EPDR1: variants seen among roughly 807,000 people sequenced by gnomAD.
EPDR1 encodes the protein mammalian ependymin-related protein 1.
Under a neutral mutation model 23.7 loss-of-function variants are expected in EPDR1, and 27 were observed. The ratio of observed to expected loss-of-function variants is 1.14; its 90% CI spans 0.84 to 1.57. The LOEUF (loss-of-function observed/expected upper bound fraction) is 1.57. EPDR1 is among the 40% of genes most tolerant of loss of function. The pLI, the probability that EPDR1 is intolerant of heterozygous loss-of-function variation, is 0.00. For missense variants in EPDR1, 349 were observed against 290.4 expected, an observed-to-expected ratio of 1.20 and a Z score of -1.47; for synonymous variants, 137 against 118.2, an observed-to-expected ratio of 1.16 and a Z score of -1.03.
intron 1 of EPDR1, among the ~76,000 whole-genome samples, chr7:37,946,342 C>T (rs575221630): frequency 6.6e-6 from 1 of 152,280 alleles, no homozygotes; most frequent in Admixed American, 6.5e-5. Flanking sequence ...ATTTATACTC[C>T]CATCAACAGT....
At chr7:37,931,988 G>T (rs1173700207) in intron 1 of EPDR1, among the ~76,000 whole-genome samples, 1 of 152,130 alleles carries the variant, frequency 6.6e-6, no homozygotes, top group Non-Finnish European at 1.5e-5. Flanking sequence ...GATTACACGC[G>T]TGAGCCACCG....
At chr7:37,931,566 A>G (rs1785941169) in intron 1 of EPDR1, among the ~76,000 whole-genome samples, 1 of 152,054 alleles carries the variant, frequency 6.6e-6, no homozygotes, top group South Asian at 2.1e-4. Context: ...ACCAAACTAA[A>G]TTTGGTTTCG....
intron 1 of EPDR1, among the ~76,000 whole-genome samples, chr7:37,947,126 G>C (rs1018502795): frequency 2.0e-5 from 3 of 152,116 alleles, no homozygotes; most frequent in African/African-American, 4.8e-5. Context: ...GAGCAACTTC[G>C]AGTCCTGCAG....
intron 1 of EPDR1, among the ~76,000 whole-genome samples, chr7:37,929,384 G>A (rs1785885015): frequency 6.6e-6 from 1 of 152,164 alleles, no homozygotes; most frequent in Admixed American, 6.5e-5. Context: ...TACTATGTGG[G>A]ACCTAAACGA....
At chr7:37,939,313 A>C (rs1372053515) in intron 1 of EPDR1, among the ~76,000 whole-genome samples, 1 of 152,008 alleles carries the variant, frequency 6.6e-6, no homozygotes, top group Non-Finnish European at 1.5e-5. Context: ...GATGTGGATG[A>C]ACTGCCACTG....
At position 37,922,064 on chromosome 7, in the gene EPDR1, A is replaced by G. The variant is rs118071073; in HGVS notation, c.269+856A>G. On this transcript the variant is annotated intron_variant, in intron 1 of 2. Coordinates refer to ENST00000199448, the MANE Select transcript of EPDR1 (RefSeq NM_017549.5). Reference sequence around the variant, plus strand: ...TTTAAGACCTGATTTCTAATTTGGGATCACCACCTGTCTCCCTTCCAGAGC... The same window carrying G: ...TTTAAGACCTGATTTCTAATTTGGGGTCACCACCTGTCTCCCTTCCAGAGC... 9.8e-3 allele frequency among the ~76,000 whole-genome samples: 1,497 copies of G among 152,190 alleles called. 26 individuals carry two copies. Among genetic ancestry groups the G allele is most frequent in the Non-Finnish European group, 0.011 (752 of 68,008 alleles).
At chr7:37,923,866 A>G (rs1319273240) in intron 1 of EPDR1, among the ~76,000 whole-genome samples, 1 of 152,170 alleles carries the variant, frequency 6.6e-6, no homozygotes, top group Non-Finnish European at 1.5e-5. Context: ...CAAGTGTATA[A>G]AACATACAGT....
Position 37,943,246 on chromosome 7 carries a change from C to T in EPDR1, c.270-5594C>T, listed in dbSNP as rs139730067. ...CTCACCTTGCTTGACTGTGCCCCAGCGGGGGCGTTGGTGCCTCTCATCTCA... is the reference window on the plus strand; with the variant it reads ...CTCACCTTGCTTGACTGTGCCCCAGTGGGGGCGTTGGTGCCTCTCATCTCA... On this transcript the variant is annotated intron_variant, in intron 1 of 2. Coordinates refer to ENST00000199448, the MANE Select transcript of EPDR1 (RefSeq NM_017549.5). 2.2e-3 allele frequency among the ~76,000 whole-genome samples: 333 copies of T among 152,348 alleles called. 2 individuals are homozygous for T. Among genetic ancestry groups the T allele is most frequent in the African/African-American group, 7.2e-3 (301 of 41,572 alleles).
chr7:37,930,931 G>A (rs948549666), intron 1 of EPDR1, among the ~76,000 whole-genome samples: 1 of 152,110 alleles, frequency 6.6e-6, no homozygotes, highest in Non-Finnish European at 1.5e-5. Context: ...TTGTCACAAG[G>A]TCTTCTGTTT....
Position 37,945,524 on chromosome 7 carries a change from A to T in EPDR1, c.270-3316A>T, listed in dbSNP as rs192348259. Among the ~76,000 whole-genome samples, 544 of 152,328 alleles carry T rather than the reference A, an allele frequency of 3.6e-3. 3 individuals are homozygous for T. The highest frequency in any genetic ancestry group is 0.013 in the African/African-American group (525 of 41,570). On this transcript the variant is annotated intron_variant, in intron 1 of 2. Coordinates refer to ENST00000199448, the MANE Select transcript of EPDR1 (RefSeq NM_017549.5). ...ATGATGTGCTTCATAATGACGTTTC[A>T]GTCAATGAAGTGGTGGTCCCATGAG...
chr7:37,951,652 C>G lies in EPDR1; in HGVS notation c.*1256C>G. 1 of 152,130 alleles carries G rather than the reference C, an allele frequency of 6.6e-6. No homozygotes were observed. Among genetic ancestry groups the G allele is most frequent in the East Asian group, 1.9e-4 (1 of 5,182 alleles). The allele number at this position is 152,130 out of a possible 1,614,324, so 9.4% of individuals were successfully genotyped here. On this transcript the variant is annotated 3_prime_UTR_variant, in exon 3 of 3. Transcript: ENST00000199448. ...ATGTGTTGAATGTGGTTGAGTTTGT[C>G]CATTGCTAGGGAGAGACTTCCAGTA... is the stretch of plus-strand genomic sequence containing the variant.
rs1786397357 is a variant in EPDR1 at position 37,951,086 on chromosome 7, A to G, written c.*690A>G. On this transcript the variant is annotated 3_prime_UTR_variant, in exon 3 of 3. Coordinates refer to ENST00000199448, the MANE Select transcript of EPDR1 (RefSeq NM_017549.5). The stretch of plus-strand genomic sequence containing the variant: ...CAGTTTAGAGAATCCTAATGTCTAC[A>G]CTGGCATAGCACGAGCCATGTAAGC... 6.6e-6 allele frequency: 1 copy of G among 152,268 alleles called. No homozygotes were observed. Among genetic ancestry groups the G allele is most frequent in the Non-Finnish European group, 1.5e-5 (1 of 68,050 alleles). 9.4% of individuals were successfully genotyped at this position (152,268 alleles called of 1,614,324 possible).
At chr7:37,941,182 A>G (rs961356689) in intron 1 of EPDR1, among the ~76,000 whole-genome samples, 14 of 152,214 alleles carry the variant, frequency 9.2e-5, no homozygotes, top group African/African-American at 3.4e-4. Flanking sequence ...TACTCAATAG[A>G]CTAAGATAGA....
chr7:37,940,326 G>A (rs1366257177), intron 1 of EPDR1, among the ~76,000 whole-genome samples: 2 of 152,046 alleles, frequency 1.3e-5, no homozygotes, highest in African/African-American at 4.8e-5. Flanking sequence ...GGATGGAAGG[G>A]GAACTTGCCT....
At chr7:37,947,989 T>G (rs1306300489) in intron 1 of EPDR1, among the ~76,000 whole-genome samples, 3 of 152,200 alleles carry the variant, frequency 2.0e-5, no homozygotes, top group African/African-American at 7.2e-5. Context: ...TCTCAGCCAC[T>G]GCAGGGTATG....
At chr7:37,926,974 G>A (rs1164792779) in intron 1 of EPDR1, among the ~76,000 whole-genome samples, 1 of 152,076 alleles carries the variant, frequency 6.6e-6, no homozygotes, top group Admixed American at 6.5e-5. Context: ...TTGGCCAGTG[G>A]AAGCCTCTTC....
rs184368920 is a variant in EPDR1 at position 37,943,013 on chromosome 7, T to C, written c.270-5827T>C. Among the ~76,000 whole-genome samples the C allele has an allele frequency of 6.3e-3, 958 of 152,346 alleles. 9 individuals are homozygous for C. The highest frequency in any genetic ancestry group is 0.022 in the African/African-American group (903 of 41,582). On this transcript the variant is annotated intron_variant, in intron 1 of 2. Transcript: ENST00000199448. ...GTGTGTTGTGGTTGCCGTGGAGAGC[T>C]TGGCCTTCTGAGCCTTTGGCAGGGC... is the stretch of plus-strand genomic sequence containing the variant.
At chr7:37,928,268 T>C (rs927286814) in intron 1 of EPDR1, among the ~76,000 whole-genome samples, 1 of 152,232 alleles carries the variant, frequency 6.6e-6, no homozygotes. Context: ...TGCCCAAAGA[T>C]CTGAAAATAT....
intron 1 of EPDR1, among the ~76,000 whole-genome samples, chr7:37,924,132 C>T (rs1022789511): frequency 6.6e-6 from 1 of 152,230 alleles, no homozygotes; most frequent in Non-Finnish European, 1.5e-5. Context: ...TTCTCAAATC[C>T]ACCAGACTAG....
Sources: gnomAD v4.1 joint callset for allele counts (sites outside exome capture counted in the v4.1 genomes callset) on GRCh38, gnomAD v4.1.1 for gene constraint, MANE v1.5 for transcripts, NCBI Gene and HGNC (gene_info 2026-07-23, HGNC 2026-07-21) for gene names.